DNAJB6: variants seen among roughly 807,000 people sequenced by gnomAD.
DNAJB6 encodes DnaJ heat shock protein family (Hsp40) member B6.
In DNAJB6, 16 loss-of-function variants were observed where a neutral mutation model predicts 42.7. The ratio of observed to expected loss-of-function variants is 0.37; its 90% CI spans 0.25 to 0.57. The LOEUF (loss-of-function observed/expected upper bound fraction) is 0.57. Ranked by LOEUF, DNAJB6 falls within the 20% of genes least tolerant of loss-of-function variation. The probability of loss-of-function intolerance (pLI) is 0.74; values close to 1 mark genes in which losing one functional copy is unlikely to be tolerated. For missense variants in DNAJB6, 347 were observed against 416.8 expected (o/e 0.83, Z 1.46); for synonymous variants, 170 against 163.5 (o/e 1.04, Z -0.30).
intron 5 of DNAJB6, among the ~76,000 whole-genome samples, chr7:157,369,799 A>ACATTATTATTAAACAG (rs1800055586): frequency 8.4e-6 from 1 of 119,076 alleles, no homozygotes; most frequent in African/African-American, 4.5e-5. Context: ...TTATTAAACG[A>ACATTATTATTAAACAG]GCCCCTTCTT....
At chr7:157,338,861 CTTTTGGAAAGT>C (rs1325151400) in intron 1 of DNAJB6, among the ~76,000 whole-genome samples, 1 of 152,162 alleles carries the variant, frequency 6.6e-6, no homozygotes, top group Admixed American at 6.6e-5. Context: ...GGTTGGGAAG[CTTTTGGAAAGT>C]GTCCAGGCTT....
intron 1 of DNAJB6, among the ~76,000 whole-genome samples, chr7:157,346,877 A>T (rs1798715776): frequency 6.6e-6 from 1 of 152,072 alleles, no homozygotes; most frequent in East Asian, 1.9e-4. Flanking sequence ...TTTTCTTGAG[A>T]TGGAGTCTTG....
At chr7:157,398,035 GCCTTCGT>G (rs1801679831) in intron 8 of DNAJB6, among the ~76,000 whole-genome samples, 1 of 152,218 alleles carries the variant, frequency 6.6e-6, no homozygotes, top group Non-Finnish European at 1.5e-5. Flanking sequence ...AACTTGTTCA[GCCTTCGT>G]ACCTGCTCTG....
chr7:157,405,019 A>C (rs1295349857), intron 8 of DNAJB6, among the ~76,000 whole-genome samples: 1 of 152,212 alleles, frequency 6.6e-6, no homozygotes, highest in Admixed American at 6.5e-5. Flanking sequence ...CCCGCATGAA[A>C]GGACTGATGG....
intron 1 of DNAJB6, among the ~76,000 whole-genome samples, chr7:157,347,427 AGAC>A (rs1381673317): frequency 6.6e-6 from 1 of 152,134 alleles, no homozygotes; most frequent in Non-Finnish European, 1.5e-5. Flanking sequence ...GGTTGAACTC[AGAC>A]TCCTGGGCTG....
intron 1 of DNAJB6, among the ~76,000 whole-genome samples, chr7:157,345,589 C>G (rs915731528): frequency 2.0e-5 from 3 of 152,116 alleles, no homozygotes; most frequent in Non-Finnish European, 4.4e-5. Context: ...TGTTTCACTC[C>G]TGTGTCTTTG....
intron 8 of DNAJB6, among the ~76,000 whole-genome samples, chr7:157,387,469 T>C (rs987874678): frequency 6.6e-6 from 1 of 152,214 alleles, no homozygotes. Context: ...TGGTTTTTTG[T>C]TACTAAATAA....
chr7:157,407,222 C>T (rs548717981), intron 8 of DNAJB6, among the ~76,000 whole-genome samples: 12 of 152,314 alleles, frequency 7.9e-5, no homozygotes, highest in South Asian at 4.1e-4. Flanking sequence ...TTTCCCTCCG[C>T]GTGGAGTGGG....
chr7:157,403,279 A>T (rs1214385723), intron 8 of DNAJB6, among the ~76,000 whole-genome samples: 1 of 152,222 alleles, frequency 6.6e-6, no homozygotes, highest in African/African-American at 2.4e-5. Context: ...CAGAGGAAGC[A>T]GTCAGATATG....
intron 8 of DNAJB6, among the ~76,000 whole-genome samples, chr7:157,392,050 C>T (rs1013100652): frequency 4.8e-5 from 7 of 144,638 alleles, no homozygotes; most frequent in South Asian, 2.1e-4. Context: ...TGCAGTGAGC[C>T]GTGATCGAGC....
rs1489129815 is a variant in DNAJB6, at chr7:157,339,628, TGTGTGTGTGTGTGTGTGTGA to T, written c.-27+2486_-27+2505del. 3.0e-3 allele frequency among the ~76,000 whole-genome samples: 348 copies of T among 115,536 alleles called. 4 individuals are homozygous for T. Among genetic ancestry groups the T allele is most frequent in the South Asian group, 0.026 (87 of 3,332 alleles). The allele number at this position is 115,536 out of a possible 152,430, so 75.8% of individuals were successfully genotyped here. On this transcript the variant is annotated intron_variant, in intron 1 of 9. Transcript: ENST00000262177. Reference sequence around the variant, plus strand: ...GTGTGTGTGTGTGTGTGTGTGTGTGTGTGTGTGTGTGTGTGTGTGAGATGGAGTTTAGCTCTTGCCCCTGC... The same window carrying T: ...GTGTGTGTGTGTGTGTGTGTGTGTGTGATGGAGTTTAGCTCTTGCCCCTGC...
intron 8 of DNAJB6, among the ~76,000 whole-genome samples, chr7:157,387,361 C>CG (rs1173725409): frequency 6.6e-6 from 1 of 152,130 alleles, no homozygotes; most frequent in Non-Finnish European, 1.5e-5. Flanking sequence ...ATGGCACGTG[C>CG]GGGAAAGCGG....
intron 2 of DNAJB6, among the ~76,000 whole-genome samples, 191 bp from the exon 3 acceptor site, chr7:157,362,970 C>T (rs1007958342): frequency 3.3e-5 from 5 of 152,190 alleles, no homozygotes; most frequent in African/African-American, 1.2e-4. Flanking sequence ...CACGCCACTA[C>T]GCCTGGCTAT....
At chr7:157,384,480 T>A (rs1359278947) in intron 6 of DNAJB6, among the ~76,000 whole-genome samples, 2 of 152,150 alleles carry the variant, frequency 1.3e-5, no homozygotes, top group Non-Finnish European at 2.9e-5. Context: ...CTCTGCTGGT[T>A]GGAGCTTAAT....
intron 8 of DNAJB6, among the ~76,000 whole-genome samples, chr7:157,388,426 C>A (rs1046992473): frequency 6.6e-6 from 1 of 152,106 alleles, no homozygotes; most frequent in Non-Finnish European, 1.5e-5. Flanking sequence ...TCAACAGTCT[C>A]TTTACTTGCT....
At chr7:157,390,282 C>A (rs891602597) in intron 8 of DNAJB6, among the ~76,000 whole-genome samples, 1 of 152,218 alleles carries the variant, frequency 6.6e-6, no homozygotes. Flanking sequence ...GAAGGACCTG[C>A]GTCTTGGCTT....
intron 8 of DNAJB6, 101 bp from the exon 9 acceptor site, chr7:157,409,694 G>C (rs1229174664): frequency 3.4e-5 from 45 of 1,316,584 alleles, no homozygotes; most frequent in Non-Finnish European, 4.2e-5. Context: ...GGCGCGTCTG[G>C]ATTCAGGGAG....
Position 157,384,958 on chromosome 7 carries a change from G to T in DNAJB6, c.570G>T (p.Ser190=), listed in dbSNP as rs776795789. The stretch of plus-strand genomic sequence containing the variant: ...GTAGTGGCATGGGCAACTTCAAATC[G>T]ATATCAACTTCAACTAAAATGGTTA... ...FGGSGMGNFK[S]ISTSTKMVNG... The change falls in exon 7 of 10, where the codon TCG becomes TCT. Residue 190 remains serine, a synonymous_variant. Transcript: ENST00000262177. 1 of 1,613,964 alleles carries T rather than the reference G, an allele frequency of 6.2e-7. No individual in the cohort carries two copies.
chr7:157,408,762 G>A (rs978612098), intron 8 of DNAJB6, among the ~76,000 whole-genome samples: 12 of 152,378 alleles, frequency 7.9e-5, no homozygotes, highest in South Asian at 4.1e-4. Flanking sequence ...CTGTCAGTCC[G>A]TTGGGTTTCA....
Sources: allele counts gnomAD v4.1 joint callset (sites outside exome capture counted in the v4.1 genomes callset), GRCh38; gene constraint gnomAD v4.1.1; transcripts MANE v1.5; gene names NCBI Gene and HGNC (gene_info 2026-07-23, HGNC 2026-07-21).